ACVR2A: variants seen among roughly 807,000 people sequenced by gnomAD.
ACVR2A encodes activin A receptor type 2A, also known as activin receptor type-2A.
A neutral mutation model predicts 61.4 loss-of-function variants in ACVR2A; 7 were observed. The observed-to-expected ratio is 0.11, with a 90% CI of 0.06 to 0.21. The LOEUF is 0.21. Among genes scored for constraint, ACVR2A ranks in the 10% least tolerant of loss-of-function variants. The pLI is 1.00. For missense variants in ACVR2A, 322 were observed against 621.7 expected (o/e 0.52, Z 5.13); for synonymous variants, 193 against 208.3 (o/e 0.93, Z 0.63).
At chr2:147,845,289 C>T (rs1215286842) in intron 1 of ACVR2A, 82 bp downstream of exon 1, 6 of 1,330,462 alleles carry the variant, frequency 4.5e-6, no homozygotes, top group Non-Finnish European at 6.2e-6. Flanking sequence ...GGTGTTGAGT[C>T]GGAGAGTCCA....
intron 5 of ACVR2A, among the ~76,000 whole-genome samples, 194 bp downstream of exon 5, chr2:147,915,528 G>T (rs1362017456): frequency 2.0e-5 from 3 of 151,926 alleles, no homozygotes; most frequent in African/African-American, 7.2e-5. Context: ...CATTATGTTT[G>T]TCTGGAGTGG....
rs1386553516 is a variant in ACVR2A, at chr2:147,929,433, A to G, written c.*2159A>G. 7 of 152,318 alleles carry G rather than the reference A, an allele frequency of 4.6e-5. No homozygotes were observed. The highest frequency in any genetic ancestry group is 1.7e-4 in the African/African-American group (7 of 41,560). The allele number at this position is 152,318 out of a possible 1,614,324, so 9.4% of individuals were successfully genotyped here. ...TGAATGTTTGGCTTATGTGAGTACT[A>G]GAGATAAAATTTTTAAACCCAGTTA... On this transcript the variant is annotated 3_prime_UTR_variant, in exon 11 of 11. Transcript: ENST00000241416.
chr2:147,846,104 A>G (rs1400653098), intron 1 of ACVR2A, among the ~76,000 whole-genome samples: 1 of 152,136 alleles, frequency 6.6e-6, no homozygotes, highest in Admixed American at 6.5e-5. Context: ...AAAACTATCT[A>G]GTCTTTTGTA....
intron 6 of ACVR2A, among the ~76,000 whole-genome samples, chr2:147,918,168 T>TA (rs375180102): frequency 2.9e-3 from 399 of 136,334 alleles, no homozygotes; most frequent in Middle Eastern, 3.6e-3. Flanking sequence ...AACTAGTCTT[T>TA]AAAAAAAAAA....
intron 1 of ACVR2A, among the ~76,000 whole-genome samples, chr2:147,880,348 T>C (rs1686270339): frequency 6.6e-6 from 1 of 152,200 alleles, no homozygotes; most frequent in African/African-American, 2.4e-5. Flanking sequence ...CAGTGACATT[T>C]TTTAATGCCA....
intron 2 of ACVR2A, among the ~76,000 whole-genome samples, chr2:147,898,672 TA>T (rs764813359): frequency 3.3e-5 from 5 of 152,164 alleles, no homozygotes; most frequent in Non-Finnish European, 5.9e-5. Flanking sequence ...TTAATAGTTT[TA>T]GCTGTTTATT....
intron 1 of ACVR2A, among the ~76,000 whole-genome samples, chr2:147,886,542 C>G (rs1686436200): frequency 6.6e-6 from 1 of 152,092 alleles, no homozygotes; most frequent in South Asian, 2.1e-4. Flanking sequence ...GATAGGTAAG[C>G]TAGTCACAGG....
intron 1 of ACVR2A, among the ~76,000 whole-genome samples, chr2:147,896,100 A>G (rs764444473): frequency 9.2e-5 from 14 of 152,264 alleles, no homozygotes; most frequent in Admixed American, 2.6e-4. Flanking sequence ...AAATACTGTG[A>G]TATATATGGT....
At chr2:147,892,006 C>A (rs2105184759) in intron 1 of ACVR2A, among the ~76,000 whole-genome samples, 1 of 151,762 alleles carries the variant, frequency 6.6e-6, no homozygotes, top group Admixed American at 6.6e-5. Context: ...GAGTCTCTTT[C>A]TGTTGCCCAG....
At position 147,847,373 on chromosome 2, in the gene ACVR2A, T is replaced by C. The variant is rs1249211686; in HGVS notation, c.55+2166T>C. ...GATCAGATGCACTCTAAAAAAGGAT[T>C]ATTATGTTTCTCCAACTAATTGATT... On this transcript the variant is annotated intron_variant, in intron 1 of 10. Transcript: ENST00000241416. Among the ~76,000 whole-genome samples, 7 of 152,186 alleles carry C rather than the reference T, an allele frequency of 4.6e-5. No homozygotes were observed. The East Asian group carries it at 1.3e-3, about 29-fold the overall frequency.
chr2:147,884,482 C>G (rs1277186065), intron 1 of ACVR2A, among the ~76,000 whole-genome samples: 1 of 151,974 alleles, frequency 6.6e-6, no homozygotes, highest in African/African-American at 2.4e-5. Flanking sequence ...TTATTCTGGG[C>G]AATATACAGT....
chr2:147,858,071 G>C (rs901926251), intron 1 of ACVR2A, among the ~76,000 whole-genome samples: 2 of 152,052 alleles, frequency 1.3e-5, no homozygotes, highest in Admixed American at 6.6e-5. Flanking sequence ...TTGGTTTTCT[G>C]TTCTGTGTTA....
intron 1 of ACVR2A, among the ~76,000 whole-genome samples, chr2:147,851,393 A>T (rs1431190791): frequency 6.6e-6 from 1 of 152,088 alleles, no homozygotes; most frequent in Non-Finnish European, 1.5e-5. Context: ...CATCTACACA[A>T]TGGGGGGATA....
intron 1 of ACVR2A, among the ~76,000 whole-genome samples, chr2:147,865,469 A>G (rs1685830088): frequency 6.6e-6 from 1 of 152,124 alleles, no homozygotes; most frequent in South Asian, 2.1e-4. Context: ...TTTCTTCTCA[A>G]AGTTCTCTTG....
At chr2:147,888,382 CT>C (rs1229615490) in intron 1 of ACVR2A, among the ~76,000 whole-genome samples, 2 of 152,116 alleles carry the variant, frequency 1.3e-5, no homozygotes, top group African/African-American at 4.8e-5. Context: ...GAATTGACAT[CT>C]TTATGTTCAA....
chr2:147,912,325 T>A (rs925071453), intron 4 of ACVR2A, among the ~76,000 whole-genome samples: 1 of 152,148 alleles, frequency 6.6e-6, no homozygotes, highest in Non-Finnish European at 1.5e-5. Flanking sequence ...AGAACTGTGT[T>A]TGAATGCATA....
intron 1 of ACVR2A, among the ~76,000 whole-genome samples, chr2:147,893,027 A>G (rs1351187093): frequency 2.0e-5 from 3 of 152,006 alleles, no homozygotes; most frequent in Non-Finnish European, 4.4e-5. Context: ...TGGTGTTCCT[A>G]TTTCCTTCAT....
chr2:147,907,780 CT>C (rs1238213840), intron 4 of ACVR2A, among the ~76,000 whole-genome samples: 1 of 151,908 alleles, frequency 6.6e-6, no homozygotes, highest in East Asian at 1.9e-4. Context: ...AATCCCAGCA[CT>C]TTAGGAGGCC....
intron 10 of ACVR2A, 139 bp downstream of exon 10, chr2:147,926,300 G>A: frequency 8.9e-7 from 1 of 1,129,040 alleles, no homozygotes; most frequent in Non-Finnish European, 1.2e-6. Context: ...TAGAGTTCTA[G>A]AGGCAGAATT....
Sources: gnomAD v4.1 joint callset for allele counts (sites outside exome capture counted in the v4.1 genomes callset) on GRCh38, gnomAD v4.1.1 for gene constraint, MANE v1.5 for transcripts, NCBI Gene and HGNC (gene_info 2026-07-23, HGNC 2026-07-21) for gene names.